The following ME1 variants were observed in gnomAD, a reference collection of about 807,000 sequenced individuals.
ME1 encodes NADP-dependent malic enzyme.
A neutral mutation model predicts 66.4 loss-of-function variants in ME1; 74 were observed. The observed-to-expected ratio is 1.11, with a 90% CI of 0.92 to 1.35. The LOEUF is 1.35. Among genes scored for constraint, ME1 ranks in the 40% most tolerant of loss-of-function variants. ME1 has a pLI of 0.00. For missense variants in ME1, 750 were observed against 694.1 expected, an observed-to-expected ratio of 1.08 and a Z score of -0.90; for synonymous variants, 251 against 235.6, an observed-to-expected ratio of 1.07 and a Z score of -0.60.
At chr6:83,376,580 C>A (rs533365020) in intron 3 of ME1, among the ~76,000 whole-genome samples, 6 of 151,360 alleles carry the variant, frequency 4.0e-5, no homozygotes, top group African/African-American at 1.5e-4. Context: ...GCGGGCTGAT[C>A]CCCCAAGGCC....
intron 6 of ME1, among the ~76,000 whole-genome samples, chr6:83,261,712 G>A (rs562748958): frequency 2.0e-4 from 30 of 152,036 alleles, no homozygotes; most frequent in African/African-American, 4.1e-4. Flanking sequence ...AGCACAAAAC[G>A]TGAAGTATGA....
rs1159401234 is a variant in ME1 at position 83,211,852 on chromosome 6, A to G, written c.*72T>C. Reference sequence around the variant, plus strand: ...TAAGTGTCTTATGAATCATTATAAAAGATTCCAACCTTTAAAAATTATGAA... The same window carrying G: ...TAAGTGTCTTATGAATCATTATAAAGGATTCCAACCTTTAAAAATTATGAA... On this transcript the variant is annotated 3_prime_UTR_variant, in exon 14 of 14. Transcript: ENST00000369705. 9.7e-7 allele frequency: 1 copy of G among 1,036,050 alleles called. No homozygotes were observed. Among genetic ancestry groups the G allele is most frequent in the East Asian group, 2.8e-5 (1 of 35,426 alleles). 64.2% of individuals were successfully genotyped at this position (1,036,050 alleles called of 1,614,324 possible). A position where few individuals can be genotyped will look rare whatever the true frequency, so the allele number is the denominator to read the frequency against.
chr6:83,259,721 G>A (rs1397982626), intron 6 of ME1, among the ~76,000 whole-genome samples: 2 of 152,118 alleles, frequency 1.3e-5, no homozygotes, highest in Admixed American at 1.3e-4. Flanking sequence ...TTCTTTCATA[G>A]CAATATGGCT....
intron 6 of ME1, among the ~76,000 whole-genome samples, chr6:83,308,490 AG>A (rs1486574857): frequency 4.0e-5 from 6 of 151,166 alleles, no homozygotes; most frequent in African/African-American, 1.2e-4. Flanking sequence ...AAAAAAAAAA[AG>A]GATACTATAA....
chr6:83,215,733 A>G (rs1353398101), intron 13 of ME1, among the ~76,000 whole-genome samples: 1 of 152,196 alleles, frequency 6.6e-6, no homozygotes, highest in Non-Finnish European at 1.5e-5. Context: ...GAGGCCTCAG[A>G]GGAAACCAAA....
Position 83,401,091 on chromosome 6 carries a change from TC to T in ME1, c.213-2576del, listed in dbSNP as rs568328578. On this transcript the variant is annotated intron_variant, in intron 2 of 13. Transcript: ENST00000369705. ...CTCTTTACCCTGCTCTACCTTTATT[TC>T]CCCCATCCCAAGACACTAGCCATTT... is the stretch of plus-strand genomic sequence containing the variant. Among the ~76,000 whole-genome samples the T allele has an allele frequency of 3.3e-3, 498 of 152,226 alleles. 2 individuals carry two copies. The highest frequency in any genetic ancestry group is 5.4e-3 in the Non-Finnish European group (366 of 68,012).
chr6:83,312,165 T>C (rs997223618), intron 6 of ME1, among the ~76,000 whole-genome samples: 2 of 152,188 alleles, frequency 1.3e-5, no homozygotes, highest in African/African-American at 4.8e-5. Context: ...CAAGTAACTA[T>C]GCACTGGAGA....
chr6:83,413,967 C>A (rs968192442), intron 1 of ME1, among the ~76,000 whole-genome samples: 1 of 151,644 alleles, frequency 6.6e-6, no homozygotes, highest in Admixed American at 6.6e-5. Flanking sequence ...ATAAATTAGC[C>A]AGGTATGGTG....
Position 83,301,081 on chromosome 6 carries a change from G to A in ME1, c.704+14229C>T, listed in dbSNP as rs191015395. 1.1e-4 allele frequency among the ~76,000 whole-genome samples: 17 copies of A among 152,170 alleles called. No homozygotes were observed. In the East Asian group the frequency reaches 2.5e-3, roughly 23 times the overall value. On this transcript the variant is annotated intron_variant, in intron 6 of 13. Coordinates refer to ENST00000369705, the MANE Select transcript of ME1 (RefSeq NM_002395.6). ...GGAGTGGGGAGGGATAGCATTAGGA[G>A]ATATACCTAATGTAAATGACGAGTC...
intron 3 of ME1, among the ~76,000 whole-genome samples, chr6:83,364,751 T>C (rs1461103576): frequency 1.3e-5 from 2 of 152,172 alleles, no homozygotes; most frequent in East Asian, 3.8e-4. Flanking sequence ...TATCTATCTA[T>C]CTATCTATCA....
At chr6:83,334,066 C>A (rs1032822589) in intron 5 of ME1, among the ~76,000 whole-genome samples, 1 of 152,130 alleles carries the variant, frequency 6.6e-6, no homozygotes, top group African/African-American at 2.4e-5. Context: ...GGGTTCTTCT[C>A]ACTAGGGAGT....
intron 8 of ME1, 62 bp downstream of exon 8, chr6:83,239,477 G>T (rs531703700): frequency 4.5e-6 from 5 of 1,119,006 alleles, no homozygotes; most frequent in South Asian, 1.4e-5. Context: ...TTGAGTTAAT[G>T]AGCAATTAAC....
intron 5 of ME1, among the ~76,000 whole-genome samples, chr6:83,332,031 A>C (rs1035979033): frequency 6.6e-6 from 1 of 152,236 alleles, no homozygotes; most frequent in East Asian, 1.9e-4. Flanking sequence ...TAAACATGAC[A>C]TGTTCTAAAG....
intron 3 of ME1, among the ~76,000 whole-genome samples, chr6:83,391,968 T>C (rs1004400120): frequency 2.6e-5 from 4 of 152,246 alleles, no homozygotes; most frequent in African/African-American, 9.6e-5. Flanking sequence ...ATAACACTTA[T>C]CACCTTCAAA....
intron 1 of ME1, among the ~76,000 whole-genome samples, chr6:83,422,049 A>C (rs1352883886): frequency 6.6e-6 from 1 of 152,168 alleles, no homozygotes; most frequent in East Asian, 1.9e-4. Context: ...GTCCTCATGG[A>C]AACAAAAAAT....
At chr6:83,295,175 A>C (rs1300511366) in intron 6 of ME1, among the ~76,000 whole-genome samples, 1 of 152,222 alleles carries the variant, frequency 6.6e-6, no homozygotes, top group Non-Finnish European at 1.5e-5. Context: ...ACATACCCCC[A>C]TGTGAAACCA....
chr6:83,211,833 T>TC lies in ME1; in HGVS notation c.*90dup. 1.3e-6 allele frequency: 1 copy of TC among 795,832 alleles called. No individual in the cohort carries two copies. The highest frequency in any genetic ancestry group is 1.8e-6 in the Non-Finnish European group (1 of 558,846). 49.3% of individuals were successfully genotyped at this position (795,832 alleles called of 1,614,324 possible). ...TTAAAGTAAAATCTTAATCTAAGTG[T>TC]CTTATGAATCATTATAAAAGATTCC... On this transcript the variant is annotated 3_prime_UTR_variant, in exon 14 of 14. Coordinates refer to ENST00000369705, the MANE Select transcript of ME1 (RefSeq NM_002395.6).
chr6:83,233,271 T>TA (rs1487089188), intron 9 of ME1, among the ~76,000 whole-genome samples: 2 of 152,112 alleles, frequency 1.3e-5, no homozygotes, highest in African/African-American at 4.8e-5. Flanking sequence ...AGTTTTACAT[T>TA]AAAATGTATT....
At chr6:83,352,545 A>T (rs1355769286) in intron 3 of ME1, among the ~76,000 whole-genome samples, 1 of 152,180 alleles carries the variant, frequency 6.6e-6, no homozygotes, top group East Asian at 1.9e-4. Context: ...TTTCCAACGT[A>T]TATGCCACCT....
Sources: gnomAD v4.1 joint callset for allele counts (sites outside exome capture counted in the v4.1 genomes callset) on GRCh38, gnomAD v4.1.1 for gene constraint, MANE v1.5 for transcripts, NCBI Gene and HGNC (gene_info 2026-07-23, HGNC 2026-07-21) for gene names.